The following ADH1C variants were observed in gnomAD, a reference collection of about 807,000 sequenced individuals.
The protein encoded by ADH1C is alcohol dehydrogenase 1C (class I), gamma polypeptide.
ADH1C carries 26 observed loss-of-function variants against 35.0 expected under a neutral mutation model. The observed-to-expected ratio is 0.74, with a 90% CI of 0.54 to 1.03. ADH1C has a LOEUF of 1.03. Ranked by LOEUF, ADH1C falls within the 50% of genes least tolerant of loss-of-function variation. ADH1C has a pLI of 0.00. For missense variants in ADH1C, 413 were observed against 465.4 expected (o/e 0.89, Z 1.04); for synonymous variants, 170 against 169.3 (o/e 1.00, Z -0.03).
At chr4:99,348,718 G>T (rs1376133701) in intron 1 of ADH1C, among the ~76,000 whole-genome samples, 2 of 151,164 alleles carry the variant, frequency 1.3e-5, no homozygotes, top group Non-Finnish European at 3.0e-5. Context: ...TTCCACAATG[G>T]TTGAACTAGT....
At chr4:99,336,824 A>G (rs1395297347) in intron 8 of ADH1C, 48 bp from the exon 9 acceptor site, 2 of 1,611,470 alleles carry the variant, frequency 1.2e-6, no homozygotes, top group Admixed American at 3.3e-5. Flanking sequence ...GACAACCCAC[A>G]TGCTTCCATG....
At chr4:99,337,596 G>A in intron 8 of ADH1C, among the ~76,000 whole-genome samples, 1 of 152,012 alleles carries the variant, frequency 6.6e-6, no homozygotes, top group East Asian at 1.9e-4. Context: ...TATAGTGTGT[G>A]TGTGGTGTGT....
At chr4:99,336,913 A>G (rs1734290674) in intron 8 of ADH1C, 137 bp from the exon 9 acceptor site, 1 of 1,235,318 alleles carries the variant, frequency 8.1e-7, no homozygotes, top group Admixed American at 2.1e-5. Flanking sequence ...ATCCCTATGC[A>G]TTTGGGTCAA....
At position 99,347,844 on chromosome 4, in the gene ADH1C, T is replaced by C; in HGVS notation, c.21A>G (p.Val7=). Residue 7 remains valine (V), a splice_region_variant and synonymous_variant, in exon 2 of 9, where the codon GTA becomes GTG. Transcript: ENST00000515683. ...ATAGCACAGCTGCTTTGCATTTGAT[T>C]ACCTAGAACATCAGACAGAGAGATG... MSTAGK[V]IKCKAAVLWE... 1 of 1,613,666 alleles carries C rather than the reference T, an allele frequency of 6.2e-7. No homozygotes were observed. Among genetic ancestry groups the C allele is most frequent in the South Asian group, 1.1e-5 (1 of 90,998 alleles).
rs879228727 is a variant in ADH1C at position 99,342,653 on chromosome 4, A to G, written c.828+142T>C. On this transcript the variant is annotated intron_variant, in intron 6 of 8. Coordinates refer to ENST00000515683, the MANE Select transcript of ADH1C (RefSeq NM_000669.5). Reference sequence around the variant, plus strand: ...AAGACTTCTCATAACAATAAATTAAACAAGCCAGGTAACAAAAAGATGACG... The same window carrying G: ...AAGACTTCTCATAACAATAAATTAAGCAAGCCAGGTAACAAAAAGATGACG... The G allele has an allele frequency of 5.8e-6, 8 of 1,369,502 alleles. No homozygotes were observed. In the South Asian group the frequency reaches 9.9e-5, roughly 17 times the overall value. The allele number at this position is 1,369,502 out of a possible 1,614,324, so 84.8% of individuals were successfully genotyped here. A position where few individuals can be genotyped will look rare whatever the true frequency, so the allele number is the denominator to read the frequency against.
At position 99,350,836 on chromosome 4, in the gene ADH1C, T is replaced by A. The variant is rs1734658311; in HGVS notation, c.18+1822A>T. Among the ~76,000 whole-genome samples, 3 of 152,232 alleles carry A rather than the reference T, an allele frequency of 2.0e-5. No individual in the cohort carries two copies. The South Asian group carries it at 6.2e-4, about 32-fold the overall frequency. On this transcript the variant is annotated intron_variant, in intron 1 of 8. Coordinates refer to ENST00000515683, the MANE Select transcript of ADH1C (RefSeq NM_000669.5). ...ATTTTCCTGAAGTCTCAAAGCTGGCTGTCCAGAGAATAAAGATCAGGCCGG... is the reference window on the plus strand; with the variant it reads ...ATTTTCCTGAAGTCTCAAAGCTGGCAGTCCAGAGAATAAAGATCAGGCCGG...
At chr4:99,349,589 T>A (rs1734626969) in intron 1 of ADH1C, among the ~76,000 whole-genome samples, 1 of 152,242 alleles carries the variant, frequency 6.6e-6, no homozygotes, top group African/African-American at 2.4e-5. Context: ...GTTATACATT[T>A]ACCTTCCTGC....
intron 8 of ADH1C, among the ~76,000 whole-genome samples, chr4:99,337,675 T>TA (rs558933150): frequency 1.2e-4 from 18 of 151,964 alleles, no homozygotes; most frequent in South Asian, 4.2e-4. Flanking sequence ...AAGAAGCCGC[T>TA]AAAAAAAATC....
intron 1 of ADH1C, among the ~76,000 whole-genome samples, chr4:99,351,750 G>A (rs1734684257): frequency 1.3e-5 from 2 of 152,154 alleles, no homozygotes; most frequent in Admixed American, 1.3e-4. Flanking sequence ...TCATAGTGAG[G>A]TGTTTTATTG....
Position 99,336,763 on chromosome 4 carries a change from G to C in ADH1C, c.1117C>G (p.Leu373Val), listed in dbSNP as rs1330806832. ...GCATCTGTATTGTTTCAAAACGTCA[G>C]GACGGTACGGATACTGCAATAGGAA... ...LRSGKSIRTV[L>V]TF Residue 373 changes from leucine (L) to valine (V), a missense_variant, in exon 9 of 9, where the codon CTG becomes GTG. Physicochemically the swap from Leu to Val is conservative, Grantham distance 32. Coordinates refer to ENST00000515683, the MANE Select transcript of ADH1C (RefSeq NM_000669.5). 5 of 1,613,604 alleles carry C rather than the reference G, an allele frequency of 3.1e-6. No homozygotes were observed. In the African/African-American group the frequency reaches 4.0e-5, roughly 13 times the overall value.
intron 7 of ADH1C, 119 bp downstream of exon 7, chr4:99,340,456 G>C (rs907556845): frequency 1.6e-6 from 2 of 1,246,904 alleles, no homozygotes; most frequent in Non-Finnish European, 2.3e-6. Context: ...GGAGACTATA[G>C]AAAAGAAATT....
chr4:99,336,983 C>T (rs1312486609), intron 8 of ADH1C, among the ~76,000 whole-genome samples: 1 of 152,150 alleles, frequency 6.6e-6, no homozygotes, highest in African/African-American at 2.4e-5. Flanking sequence ...CAATCTTAAG[C>T]TCACTCAAAA....
chr4:99,350,604 G>T (rs1734653743), intron 1 of ADH1C, among the ~76,000 whole-genome samples: 1 of 152,204 alleles, frequency 6.6e-6, no homozygotes, highest in Admixed American at 6.5e-5. Flanking sequence ...GTATCTCATG[G>T]TGTACATATA....
At chr4:99,349,374 T>G (rs1440906274) in intron 1 of ADH1C, among the ~76,000 whole-genome samples, 1 of 152,194 alleles carries the variant, frequency 6.6e-6, no homozygotes, top group Non-Finnish European at 1.5e-5. Context: ...GCACCATTTA[T>G]TCTTTTGATT....
chr4:99,348,877 GTGA>G (rs1171721638), intron 1 of ADH1C, among the ~76,000 whole-genome samples: 1 of 152,072 alleles, frequency 6.6e-6, no homozygotes, highest in Non-Finnish European at 1.5e-5. Context: ...CTGATGGCCA[GTGA>G]TGATGAACAT....
At chr4:99,346,905 G>A (rs1348303191) in intron 3 of ADH1C, 101 bp downstream of exon 3, 3 of 1,536,538 alleles carry the variant, frequency 2.0e-6, no homozygotes, top group African/African-American at 2.8e-5. Context: ...CTGTGACCTT[G>A]TGCAAGTCCT....
At chr4:99,340,971 C>A (rs1370019142) in intron 6 of ADH1C, among the ~76,000 whole-genome samples, 3 of 152,178 alleles carry the variant, frequency 2.0e-5, no homozygotes, top group African/African-American at 7.2e-5. Context: ...AATAAAGAGG[C>A]AAACATCATT....
intron 1 of ADH1C, among the ~76,000 whole-genome samples, 156 bp downstream of exon 1, chr4:99,352,502 G>A (rs1734700081): frequency 6.6e-6 from 1 of 151,880 alleles, no homozygotes; most frequent in Non-Finnish European, 1.5e-5. Flanking sequence ...TCATATTCCA[G>A]TGTATCATTT....
At position 99,344,974 on chromosome 4, in the gene ADH1C, A is replaced by G; in HGVS notation, c.455T>C (p.Val152Ala). 2 of 1,614,080 alleles carry G rather than the reference A, an allele frequency of 1.2e-6. No individual in the cohort carries two copies. Among genetic ancestry groups the G allele is most frequent in the Non-Finnish European group, 1.7e-6 (2 of 1,180,008 alleles). Residue 152 changes from valine (V) to alanine (A), a missense_variant, in exon 5 of 9, where the codon GTG becomes GCG. Val to Ala is a moderately conservative substitution (Grantham distance 64). Coordinates refer to ENST00000515683, the MANE Select transcript of ADH1C (RefSeq NM_000669.5). ...VGVSTFSQYT[V>A]VDENAVAKID... ...TTTGGCCACTGCATTCTCATCCACCACTGTGTACTGGGAGAAGGTGCTGAC... is the reference window on the plus strand; with the variant it reads ...TTTGGCCACTGCATTCTCATCCACCGCTGTGTACTGGGAGAAGGTGCTGAC...
Sources: gnomAD v4.1 joint callset for allele counts (sites outside exome capture counted in the v4.1 genomes callset) on GRCh38, gnomAD v4.1.1 for gene constraint, MANE v1.5 for transcripts, NCBI Gene and HGNC (gene_info 2026-07-23, HGNC 2026-07-21) for gene names.